The following NBAS variants were observed in gnomAD, a reference collection of about 807,000 sequenced individuals.
NBAS encodes the protein NBAS subunit of NRZ tethering complex.
A neutral mutation model predicts 302.5 loss-of-function variants in NBAS; 219 were observed. The ratio of observed to expected loss-of-function variants is 0.72; its 90% confidence interval spans 0.65 to 0.81. The LOEUF is 0.81. Ranked by LOEUF, NBAS falls within the 30% of genes least tolerant of loss-of-function variation. The pLI is 0.00. For synonymous variants in NBAS, 1,118 were observed against 1,021.6 expected (o/e 1.09, Z -1.80); for missense variants, 2,932 against 2,841.6 (o/e 1.03, Z -0.72).
chr2:15,215,061 G>C (rs557155643), intron 48 of NBAS, among the ~76,000 whole-genome samples: 2 of 152,068 alleles, frequency 1.3e-5, no homozygotes, highest in Non-Finnish European at 2.9e-5. Context: ...TCATGCACCA[G>C]TTAGCTAGAA....
intron 16 of NBAS, among the ~76,000 whole-genome samples, chr2:15,470,324 C>T (rs1679905062): frequency 6.6e-6 from 1 of 152,166 alleles, no homozygotes; most frequent in Non-Finnish European, 1.5e-5. Context: ...TAGATAAATG[C>T]CTAAGTCATC....
chr2:15,481,342 A>G (rs1235364334), intron 12 of NBAS, among the ~76,000 whole-genome samples: 1 of 152,182 alleles, frequency 6.6e-6, no homozygotes, highest in African/African-American at 2.4e-5. Flanking sequence ...ATTTGATAAT[A>G]AGCATGTATG....
At chr2:15,287,637 C>T (rs932665879) in intron 41 of NBAS, among the ~76,000 whole-genome samples, 1 of 151,618 alleles carries the variant, frequency 6.6e-6, no homozygotes, top group African/African-American at 2.4e-5. Context: ...TGTGGGCATC[C>T]CCCTGTAGGC....
chr2:14,785,252 A>T, the NBAS span, among the ~76,000 whole-genome samples: 2 of 152,198 alleles, frequency 1.3e-5, no homozygotes, highest in Non-Finnish European at 2.9e-5. Flanking sequence ...ATATACGATC[A>T]TGTCATCTGC....
At chr2:14,957,705 C>T in the NBAS span, among the ~76,000 whole-genome samples, 1 of 152,186 alleles carries the variant, frequency 6.6e-6, no homozygotes, top group Admixed American at 6.5e-5. Flanking sequence ...TCCTTGGCTC[C>T]AGCCGTCAGC....
chr2:15,170,470 T>C (rs1434904662), intron 51 of NBAS, among the ~76,000 whole-genome samples: 2 of 152,184 alleles, frequency 1.3e-5, no homozygotes, highest in Non-Finnish European at 2.9e-5. Context: ...ACTCAGAGGT[T>C]CCCTAAAGAA....
the NBAS span, among the ~76,000 whole-genome samples, chr2:15,004,392 C>T: frequency 1.4e-4 from 21 of 152,320 alleles, no homozygotes; most frequent in African/African-American, 4.8e-4. Context: ...TTTATCATTA[C>T]ATTTTCCTGA....
At chr2:15,439,459 T>C (rs1316356930) in intron 21 of NBAS, among the ~76,000 whole-genome samples, 2 of 151,624 alleles carry the variant, frequency 1.3e-5, no homozygotes, top group East Asian at 3.9e-4. Flanking sequence ...GAAAAAAGCT[T>C]CAGAATACTT....
the NBAS span, among the ~76,000 whole-genome samples, chr2:15,022,313 G>T: frequency 6.6e-6 from 1 of 152,096 alleles, no homozygotes; most frequent in Non-Finnish European, 1.5e-5. Context: ...TCCTCTCAAT[G>T]ACTGACTCCT....
At chr2:14,900,295 T>C in the NBAS span, among the ~76,000 whole-genome samples, 17 of 152,208 alleles carry the variant, frequency 1.1e-4, no homozygotes, top group East Asian at 2.9e-3. Context: ...CAACAAATAT[T>C]TGAAGACAGA....
intron 25 of NBAS, among the ~76,000 whole-genome samples, chr2:15,405,598 A>C (rs530398719): frequency 1.3e-5 from 2 of 152,324 alleles, no homozygotes; most frequent in Non-Finnish European, 2.9e-5. Flanking sequence ...CCCATACTGC[A>C]TAGCAAGGTA....
intron 44 of NBAS, among the ~76,000 whole-genome samples, chr2:15,248,604 T>C (rs573405786): frequency 2.0e-4 from 30 of 152,110 alleles, no homozygotes; most frequent in African/African-American, 7.2e-4. Flanking sequence ...AAATATCAAA[T>C]AGATGCAATA....
chr2:15,266,298 T>A (rs1420814776), intron 44 of NBAS, among the ~76,000 whole-genome samples: 1 of 152,166 alleles, frequency 6.6e-6, no homozygotes, highest in African/African-American at 2.4e-5. Context: ...CAGACATTGT[T>A]AACATTTTGA....
At chr2:15,129,909 T>C in the NBAS span, among the ~76,000 whole-genome samples, 2 of 152,332 alleles carry the variant, frequency 1.3e-5, no homozygotes, top group Middle Eastern at 3.4e-3. Flanking sequence ...CGCTCAGACA[T>C]TGCTTGTTAT....
At chr2:15,317,584 A>G (rs1480069850) in intron 38 of NBAS, among the ~76,000 whole-genome samples, 1 of 152,234 alleles carries the variant, frequency 6.6e-6, no homozygotes, top group Non-Finnish European at 1.5e-5. Flanking sequence ...AAACCATGGC[A>G]CGAGAACTTC....
chr2:14,801,999 T>C, the NBAS span, among the ~76,000 whole-genome samples: 1 of 144,916 alleles, frequency 6.9e-6, no homozygotes, highest in Admixed American at 7.0e-5. Flanking sequence ...GGTAGTTTCT[T>C]TTGCTGTGCA....
intron 42 of NBAS, among the ~76,000 whole-genome samples, chr2:15,279,651 T>C (rs960501803): frequency 6.6e-6 from 1 of 152,220 alleles, no homozygotes; most frequent in Non-Finnish European, 1.5e-5. Flanking sequence ...CTTATTCTTC[T>C]GTGCCTACAA....
the NBAS span, among the ~76,000 whole-genome samples, chr2:15,158,040 G>A: frequency 8.5e-5 from 13 of 152,272 alleles, no homozygotes; most frequent in Non-Finnish European, 1.6e-4. Flanking sequence ...GGAACCGGGG[G>A]GACTCTCTGG....
At chr2:15,431,654 G>A (rs1001596590) in intron 21 of NBAS, among the ~76,000 whole-genome samples, 3 of 152,162 alleles carry the variant, frequency 2.0e-5, no homozygotes, top group African/African-American at 7.2e-5. Flanking sequence ...AATGGAAAGG[G>A]ATAGTTTGTT....
Sources: allele counts gnomAD v4.1 joint callset (sites outside exome capture counted in the v4.1 genomes callset), GRCh38; gene constraint gnomAD v4.1.1; transcripts MANE v1.5; gene names NCBI Gene and HGNC (gene_info 2026-07-23, HGNC 2026-07-21).